Variants in ZFHX3 observed in about 807,000 individuals in gnomAD.
ZFHX3 encodes zinc finger homeobox protein 3.
Under a neutral mutation model 279.1 loss-of-function variants are expected in ZFHX3, and 42 were observed. The ratio of observed to expected loss-of-function variants is 0.15; its 90% CI spans 0.12 to 0.19. ZFHX3 has a LOEUF of 0.19. Among genes scored for constraint, ZFHX3 ranks in the 10% least tolerant of loss-of-function variants. ZFHX3 has a pLI of 1.00. For missense variants in ZFHX3, 4,981 were observed against 4,754.0 expected (o/e 1.05, Z -1.40); for synonymous variants, 2,293 against 1,957.8 (o/e 1.17, Z -4.52).
At chr16:73,118,211 GT>G (rs543942360) in intron 7 of ZFHX3, among the ~76,000 whole-genome samples, 2 of 151,878 alleles carry the variant, frequency 1.3e-5, no homozygotes, top group Non-Finnish European at 2.9e-5. Context: ...TTTGTTCTTA[GT>G]TTTTTTTGTT....
intron 3 of ZFHX3, among the ~76,000 whole-genome samples, chr16:73,384,475 C>T (rs1409271833): frequency 2.6e-5 from 4 of 152,202 alleles, no homozygotes; most frequent in East Asian, 1.9e-4. Context: ...ACACCCTTTG[C>T]GAAGCAAGGT....
intron 1 of ZFHX3, among the ~76,000 whole-genome samples, chr16:72,985,819 G>A (rs962292442): frequency 6.6e-6 from 1 of 152,032 alleles, no homozygotes; most frequent in Admixed American, 6.6e-5. Flanking sequence ...AGGCTCTGCC[G>A]GCAGAGCAGG....
At chr16:73,800,127 G>C (rs1263070470) in intron 1 of ZFHX3, among the ~76,000 whole-genome samples, 1 of 152,018 alleles carries the variant, frequency 6.6e-6, no homozygotes, top group Non-Finnish European at 1.5e-5. Flanking sequence ...ACAAACATGA[G>C]GATATTACAA....
intron 4 of ZFHX3, among the ~76,000 whole-genome samples, chr16:72,870,785 T>A (rs1021691988): frequency 6.6e-6 from 1 of 151,812 alleles, no homozygotes; most frequent in African/African-American, 2.4e-5. Flanking sequence ...ATCTAAGATA[T>A]TCTTTTCATA....
Position 73,349,730 on chromosome 16 carries a change from TCTC to T in ZFHX3, c.-1290-31397_-1290-31395del, listed in dbSNP as rs1469747947. ...CTCCCTCCCTCCTTCCCTCTCTCCC[TCTC>T]CCTTCCTTCCCTCCCTCCCTCCCTC... On this transcript the variant is annotated intron_variant, in intron 3 of 17. Transcript: ENST00000641206. 2.3e-3 allele frequency among the ~76,000 whole-genome samples: 134 copies of T among 57,932 alleles called. 2 individuals carry two copies. The highest frequency in any genetic ancestry group is 0.013 in the African/African-American group (126 of 9,500). 38.0% of individuals were successfully genotyped at this position (57,932 alleles called of 152,430 possible).
At position 73,192,354 on chromosome 16, in the gene ZFHX3, C is replaced by T. The variant is rs753528843; in HGVS notation, c.-1103-48523G>A. On this transcript the variant is annotated intron_variant, in intron 5 of 17. Coordinates refer to the ZFHX3 transcript ENST00000641206. ...GAGAGGTGCTGAAACCCAAACCACC[C>T]GCCGCCCTGGCTTCCTGGGATTTCT... Among the ~76,000 whole-genome samples the T allele has an allele frequency of 3.9e-5, 6 of 152,132 alleles. No individual in the cohort carries two copies. In the East Asian group the frequency reaches 7.7e-4, roughly 20 times the overall value.
At chr16:73,863,673 T>G (rs894363630) in intron 1 of ZFHX3, among the ~76,000 whole-genome samples, 1 of 152,200 alleles carries the variant, frequency 6.6e-6, no homozygotes, top group African/African-American at 2.4e-5. Context: ...ACGATGGTCA[T>G]GTGTGCATAT....
intron 1 of ZFHX3, among the ~76,000 whole-genome samples, chr16:73,043,307 GA>G (rs761079393): frequency 1.3e-5 from 2 of 152,196 alleles, no homozygotes; most frequent in Non-Finnish European, 2.9e-5. Flanking sequence ...TGGACAGGGA[GA>G]GGGGGTCACC....
intron 3 of ZFHX3, among the ~76,000 whole-genome samples, chr16:73,450,025 A>C (rs1406164909): frequency 1.3e-5 from 2 of 152,230 alleles, no homozygotes; most frequent in African/African-American, 4.8e-5. Flanking sequence ...TAAAATATTT[A>C]AATAAAAATT....
At chr16:73,688,356 CAAAA>C (rs61469980) in intron 1 of ZFHX3, among the ~76,000 whole-genome samples, 1 of 103,756 alleles carries the variant, frequency 9.6e-6, no homozygotes. Flanking sequence ...GACTCCATCT[CAAAA>C]AAAAAAAAAA....
intron 1 of ZFHX3, among the ~76,000 whole-genome samples, chr16:73,713,983 C>T (rs748053078): frequency 3.9e-5 from 6 of 152,158 alleles, no homozygotes; most frequent in African/African-American, 7.2e-5. Context: ...AGCAGATCAC[C>T]GATACCCAGC....
chr16:73,891,411 T>C (rs1160260899), intron 1 of ZFHX3, among the ~76,000 whole-genome samples: 1 of 152,072 alleles, frequency 6.6e-6, no homozygotes, highest in Non-Finnish European at 1.5e-5. Context: ...GTTCTCAGAT[T>C]GCTTAAGCAG....
At chr16:73,784,984 A>G (rs1447600252) in intron 1 of ZFHX3, among the ~76,000 whole-genome samples, 4 of 151,788 alleles carry the variant, frequency 2.6e-5, no homozygotes, top group Middle Eastern at 3.2e-3. Context: ...ATTTGCCTCC[A>G]TGTTTCTAAC....
At chr16:73,151,447 A>T (rs1016833728) in intron 5 of ZFHX3, among the ~76,000 whole-genome samples, 6 of 152,172 alleles carry the variant, frequency 3.9e-5, no homozygotes, top group African/African-American at 1.4e-4. Context: ...GGAACCAGTC[A>T]GAGGCAGGTT....
At chr16:73,192,270 T>C (rs1968057836) in intron 5 of ZFHX3, among the ~76,000 whole-genome samples, 1 of 152,138 alleles carries the variant, frequency 6.6e-6, no homozygotes, top group Admixed American at 6.5e-5. Context: ...AGGATGCTTC[T>C]CTTAGGACCT....
At chr16:73,202,016 C>A (rs557142542) in intron 5 of ZFHX3, among the ~76,000 whole-genome samples, 1 of 152,192 alleles carries the variant, frequency 6.6e-6, no homozygotes, top group South Asian at 2.1e-4. Flanking sequence ...CCAGAAAACA[C>A]CAAGAACATA....
intron 4 of ZFHX3, among the ~76,000 whole-genome samples, chr16:73,309,652 C>T (rs1253639245): frequency 1.3e-5 from 2 of 152,170 alleles, no homozygotes; most frequent in South Asian, 4.1e-4. Context: ...ATAATGGGAA[C>T]ATGTTTTGAC....
intron 6 of ZFHX3, among the ~76,000 whole-genome samples, chr16:73,131,697 T>A (rs1175834386): frequency 6.6e-6 from 1 of 152,198 alleles, no homozygotes; most frequent in Non-Finnish European, 1.5e-5. Flanking sequence ...TCTGATTTCT[T>A]TTGTGGTCTC....
chr16:73,076,910 C>T (rs536810140), intron 8 of ZFHX3, among the ~76,000 whole-genome samples: 14 of 152,114 alleles, frequency 9.2e-5, no homozygotes, highest in African/African-American at 2.9e-4. Context: ...CACACACACA[C>T]GACTGATCTT....
Sources: gnomAD v4.1 joint callset for allele counts (sites outside exome capture counted in the v4.1 genomes callset) on GRCh38, gnomAD v4.1.1 for gene constraint, MANE v1.5 for transcripts, NCBI Gene and HGNC (gene_info 2026-07-23, HGNC 2026-07-21) for gene names.